The following ARMCX4 variants were observed in gnomAD, a reference collection of about 807,000 sequenced individuals.
ARMCX4 encodes the protein armadillo repeat containing X-linked 4, also known as armadillo repeat-containing X-linked protein 4.
In ARMCX4, 3 loss-of-function variants were observed where a neutral mutation model predicts 34.7. The observed-to-expected ratio is 0.09, with a 90% confidence interval of 0.04 to 0.22. The LOEUF is 0.22. Among genes scored for constraint, ARMCX4 ranks in the 10% least tolerant of loss-of-function variants. ARMCX4 has a pLI of 1.00. For missense variants in ARMCX4, 1,448 were observed against 1,720.8 expected (o/e 0.84, Z 2.81); for synonymous variants, 513 against 632.8 (o/e 0.81, Z 2.84).
At chrX:101,475,480 G>A (rs901932661) in intron 4 of ARMCX4, among the ~76,000 whole-genome samples, 2 of 111,167 alleles carry the variant, frequency 1.8e-5, no homozygotes, top group Non-Finnish European at 3.8e-5. Context: ...GCGGGGAGGG[G>A]TGTGCGGGGA....
chrX:101,460,049 G>C (rs1181371276), intron 4 of ARMCX4, among the ~76,000 whole-genome samples: 1 of 112,693 alleles, frequency 8.9e-6, no homozygotes, highest in African/African-American at 3.2e-5. Context: ...TACTGCTCTA[G>C]GGACCACAGT....
intron 11 of ARMCX4, among the ~76,000 whole-genome samples, chrX:101,520,404 C>T (rs1556018812): frequency 8.9e-6 from 1 of 112,377 alleles, no homozygotes; most frequent in East Asian, 2.8e-4. Flanking sequence ...GTGGGTTTTT[C>T]ATAGACATCT....
chrX:101,493,536 G>A lies in ARMCX4; in HGVS notation c.4947G>A (p.Gly1649=). The change falls in exon 6 of 6, where the codon GGG becomes GGA. Residue 1649 remains glycine, a synonymous_variant. Coordinates refer to ENST00000423738, the MANE Select transcript of ARMCX4 (RefSeq NM_001256155.3). ...AGTCCAGTGGAAGGTCCTGGATTGG[G>A]CCTGGGGATCAGGCTGTTGACTGTT... ...GNQSSGRSWI[G]PGDQAVDCSK... is the part of the protein sequence containing the mutation. The A allele has an allele frequency of 8.7e-7, 1 of 1,155,039 alleles. No individual in the cohort carries two copies. Among genetic ancestry groups the A allele is most frequent in the Non-Finnish European group, 1.1e-6 (1 of 872,400 alleles).
chrX:101,468,371 G>A (rs895364921), intron 4 of ARMCX4, among the ~76,000 whole-genome samples: 21 of 108,034 alleles, frequency 1.9e-4, no homozygotes, highest in African/African-American at 6.8e-4. Flanking sequence ...GCTCACTGCA[G>A]CCTCGGCCTT....
At chrX:101,496,925 C>T (rs1233197162), downstream of ARMCX4, among the ~76,000 whole-genome samples, 1 of 111,924 alleles carries the variant, frequency 8.9e-6, no homozygotes, top group African/African-American at 3.2e-5. Flanking sequence ...CATCTTCAAA[C>T]TGTTTTGAAG....
chrX:101,502,094 C>G (rs1275513585), intron 7 of ARMCX4, among the ~76,000 whole-genome samples: 52 of 112,197 alleles, frequency 4.6e-4, no homozygotes. Flanking sequence ...AGAACAGCTC[C>G]TGACATGCTA....
intron 2 of ARMCX4, among the ~76,000 whole-genome samples, chrX:101,430,353 T>C (rs1305369863): frequency 3.6e-5 from 4 of 112,280 alleles, no homozygotes; most frequent in South Asian, 3.7e-4. Flanking sequence ...GATTGCTCTG[T>C]GTCAAACATA....
intron 4 of ARMCX4, 159 bp from the exon 5 acceptor site, chrX:101,487,885 A>C (rs1396826928): frequency 1.0e-5 from 3 of 287,193 alleles, no homozygotes; most frequent in Non-Finnish European, 1.9e-5. Context: ...AGAGTGTGAC[A>C]GTGTCTTAGG....
chrX:101,418,612 C>T (rs1929038598), intron 1 of ARMCX4, among the ~76,000 whole-genome samples: 1 of 110,900 alleles, frequency 9.0e-6, no homozygotes, highest in Admixed American at 9.5e-5. Flanking sequence ...GTCCTCCTTG[C>T]GTCTGGCCTG....
chrX:101,534,501 AGTTT>A (rs1231956190), downstream of ARMCX4, among the ~76,000 whole-genome samples: 2 of 111,342 alleles, frequency 1.8e-5, no homozygotes, highest in African/African-American at 6.5e-5. Flanking sequence ...TAGTTAAAAC[AGTTT>A]GTTATTTAAG....
downstream of ARMCX4, chrX:101,498,514 C>A (rs148442337): frequency 0.012 from 1,439 of 125,047 alleles, 10 homozygotes; most frequent in Non-Finnish European, 0.017. Context: ...GCGGCTGTTG[C>A]TAAGCAGATT....
chrX:101,534,298 A>G (rs1167758790), downstream of ARMCX4, among the ~76,000 whole-genome samples: 1 of 111,712 alleles, frequency 9.0e-6, no homozygotes, highest in Non-Finnish European at 1.9e-5. Flanking sequence ...AAAGATGCCA[A>G]TTATCACTCA....
chrX:101,489,672 A>G lies in ARMCX4; in HGVS notation c.1083A>G (p.Gln361=), dbSNP rs1312249366. 4 of 1,152,334 alleles carry G rather than the reference A, an allele frequency of 3.5e-6. No homozygotes were observed. Among genetic ancestry groups the G allele is most frequent in the Admixed American group, 2.6e-5 (1 of 38,353 alleles). 95.0% of individuals were successfully genotyped at this position (1,152,334 alleles called of 1,213,427 possible). ...GAGADVRACI[Q]PQTVAKKQAE... is the part of the protein sequence containing the mutation. The stretch of plus-strand genomic sequence containing the variant: ...GGGCAGATGTGAGAGCTTGTATACA[A>G]CCTCAGACTGTGGCCAAGAAACAGG... The change falls in exon 6 of 6, where the codon CAA becomes CAG. Residue 361 remains glutamine, a synonymous_variant. Transcript: ENST00000423738.
rs1934053466 is a variant in ARMCX4 at position 101,493,304 on chromosome X, C to G, written c.4715C>G (p.Ser1572Cys). The G allele has an allele frequency of 8.7e-7, 1 of 1,153,553 alleles. No homozygotes were observed. Among genetic ancestry groups the G allele is most frequent in the East Asian group, 3.3e-5 (1 of 30,642 alleles). The change falls in exon 6 of 6, where the codon TCC (serine) becomes TGC (cysteine). Residue 1572 changes from serine (S) to cysteine (C), a missense_variant. This residue lies in a region of ARMCX4 where 1,343 missense variants were observed against 1,540.7 expected (regional missense o/e 0.87). Coordinates refer to ENST00000423738, the MANE Select transcript of ARMCX4 (RefSeq NM_001256155.3). ...AGAVDQAGGC[S>C]KPGFEDQAIG... ...GCTGTGGATCAGGCTGGTGGTTGTT[C>G]CAAACCTGGATTTGAGGATCAGGCC...
At chrX:101,456,887 G>A (rs1468346494) in intron 4 of ARMCX4, among the ~76,000 whole-genome samples, 1 of 109,679 alleles carries the variant, frequency 9.1e-6, no homozygotes, top group Non-Finnish European at 1.9e-5. Context: ...TTGGTTCTCT[G>A]TGTATTTTTA....
intron 4 of ARMCX4, among the ~76,000 whole-genome samples, chrX:101,477,862 A>G (rs900328109): frequency 8.9e-6 from 1 of 112,156 alleles, no homozygotes; most frequent in African/African-American, 3.2e-5. Context: ...TTTTATTGTA[A>G]TCTACTATAT....
upstream of ARMCX4, among the ~76,000 whole-genome samples, chrX:101,481,259 A>T (rs1460223759): frequency 8.9e-6 from 1 of 112,737 alleles, no homozygotes; most frequent in Non-Finnish European, 1.9e-5. Flanking sequence ...AGCAATACAC[A>T]TTCAGTAAAA....
At chrX:101,511,934 A>G (rs1356951680) in intron 11 of ARMCX4, among the ~76,000 whole-genome samples, 7 of 109,758 alleles carry the variant, frequency 6.4e-5, no homozygotes, top group African/African-American at 2.3e-4. Flanking sequence ...TTTTTTTAGT[A>G]CAACTTATTA....
intron 2 of ARMCX4, among the ~76,000 whole-genome samples, chrX:101,432,976 A>ATATACACACATGTATACATACACGTG (rs1555992773): frequency 1.9e-5 from 2 of 104,450 alleles, no homozygotes; most frequent in African/African-American, 3.4e-5. Flanking sequence ...GTATATGTGT[A>ATATACACACATGTATACATACACGTG]TATATACACA....
Sources: allele counts gnomAD v4.1 joint callset (sites outside exome capture counted in the v4.1 genomes callset), GRCh38; gene constraint gnomAD v4.1.1; regional missense constraint gnomAD v4.1.1; transcripts MANE v1.5; gene names NCBI Gene and HGNC (gene_info 2026-07-23, HGNC 2026-07-21).